Variants in LRP1B observed in about 807,000 individuals in gnomAD.
LRP1B encodes the protein LDL receptor related protein 1B, also known as low-density lipoprotein receptor-related protein 1B.
Under a neutral mutation model 556.6 loss-of-function variants are expected in LRP1B, and 217 were observed. The ratio of observed to expected loss-of-function variants is 0.39; its 90% CI spans 0.35 to 0.44. The LOEUF (loss-of-function observed/expected upper bound fraction) is 0.44, where lower values mean the gene tolerates loss of function less well. Ranked by LOEUF, LRP1B falls within the 20% of genes least tolerant of loss-of-function variation. The probability of loss-of-function intolerance (pLI) is 1.00; values close to 1 mark genes in which losing one functional copy is unlikely to be tolerated. For synonymous variants in LRP1B, 2,047 were observed against 1,865.8 expected (o/e 1.10, Z -2.50); for missense variants, 5,053 against 5,620.8 (o/e 0.90, Z 3.23).
intron 3 of LRP1B, among the ~76,000 whole-genome samples, chr2:141,333,765 A>T (rs1346997820): frequency 6.6e-6 from 1 of 152,196 alleles, no homozygotes; most frequent in African/African-American, 2.4e-5. Context: ...TTATTTTATC[A>T]ACTGCTTTCC....
chr2:140,779,340 C>T (rs535965380), intron 32 of LRP1B, among the ~76,000 whole-genome samples: 1 of 152,218 alleles, frequency 6.6e-6, no homozygotes, highest in South Asian at 2.1e-4. Context: ...TGAAGCAATG[C>T]CTAGGAAATT....
Position 140,494,323 on chromosome 2 carries a change from C to T in LRP1B, c.9034+1242G>A, listed in dbSNP as rs1688823765. On this transcript the variant is annotated intron_variant, in intron 56 of 90. Coordinates refer to ENST00000389484, the MANE Select transcript of LRP1B (RefSeq NM_018557.3). ...GTATGATTTAATCTCTTCTTTTTGT[C>T]CCAGGTCACTAAATGCATTATGTAG... is the stretch of plus-strand genomic sequence containing the variant. 2.0e-5 allele frequency among the ~76,000 whole-genome samples: 3 copies of T among 152,026 alleles called. No individual in the cohort carries two copies. In the South Asian group the frequency reaches 6.2e-4, roughly 32 times the overall value.
intron 3 of LRP1B, among the ~76,000 whole-genome samples, chr2:141,301,071 G>C (rs1686374831): frequency 6.6e-6 from 1 of 152,048 alleles, no homozygotes; most frequent in Non-Finnish European, 1.5e-5. Flanking sequence ...GGGAAACATT[G>C]GTAGAAGCAG....
chr2:140,726,171 C>T (rs1484402023), intron 35 of LRP1B, among the ~76,000 whole-genome samples: 1 of 152,134 alleles, frequency 6.6e-6, no homozygotes, highest in Non-Finnish European at 1.5e-5. Flanking sequence ...CCCTCTTCCC[C>T]TTACAATCCC....
intron 2 of LRP1B, among the ~76,000 whole-genome samples, chr2:141,683,052 C>A: frequency 6.6e-6 from 1 of 152,164 alleles, no homozygotes; most frequent in East Asian, 1.9e-4. Flanking sequence ...CTGAAAAGGA[C>A]GAGGTGAAAT....
chr2:140,667,341 TGAACCATTTAAGTTTC>T (rs1685314728), intron 41 of LRP1B, among the ~76,000 whole-genome samples: 1 of 152,212 alleles, frequency 6.6e-6, no homozygotes, highest in Non-Finnish European at 1.5e-5. Context: ...GCAATAGAGT[TGAACCATTTAAGTTTC>T]ATTTACCCTG....
intron 41 of LRP1B, among the ~76,000 whole-genome samples, chr2:140,614,471 G>T (rs955285475): frequency 6.6e-6 from 1 of 152,068 alleles, no homozygotes; most frequent in Non-Finnish European, 1.5e-5. Context: ...AGGAAGAGTT[G>T]AAGATATTTC....
intron 3 of LRP1B, among the ~76,000 whole-genome samples, chr2:141,429,812 G>A (rs1453637653): frequency 6.6e-6 from 1 of 152,138 alleles, no homozygotes; most frequent in African/African-American, 2.4e-5. Context: ...CCCTGCAAAG[G>A]ACATGATTGG....
At chr2:141,478,441 T>C (rs1682792987) in intron 3 of LRP1B, among the ~76,000 whole-genome samples, 1 of 152,090 alleles carries the variant, frequency 6.6e-6, no homozygotes, top group Non-Finnish European at 1.5e-5. Context: ...ATCTAGAAAA[T>C]ATAATATCCA....
intron 41 of LRP1B, among the ~76,000 whole-genome samples, chr2:140,664,315 C>T (rs1685195283): frequency 6.6e-6 from 1 of 152,126 alleles, no homozygotes; most frequent in South Asian, 2.1e-4. Context: ...AAAAGCACAA[C>T]ATCTGCACAG....
At chr2:141,469,660 T>A (rs1185959228) in intron 3 of LRP1B, among the ~76,000 whole-genome samples, 7 of 152,290 alleles carry the variant, frequency 4.6e-5, no homozygotes, top group Non-Finnish European at 8.8e-5. Context: ...AATTCAGAAA[T>A]GAAAACACTG....
intron 3 of LRP1B, among the ~76,000 whole-genome samples, chr2:141,472,285 C>A (rs1233375391): frequency 6.6e-6 from 1 of 152,160 alleles, no homozygotes; most frequent in Non-Finnish European, 1.5e-5. Flanking sequence ...GTGGCTCATG[C>A]CTGTAATCCT....
At chr2:140,441,985 GA>G (rs1686448219) in intron 66 of LRP1B, among the ~76,000 whole-genome samples, 1 of 152,118 alleles carries the variant, frequency 6.6e-6, no homozygotes, top group Non-Finnish European at 1.5e-5. Context: ...TATTTTAAGT[GA>G]AAATATTAAT....
intron 2 of LRP1B, among the ~76,000 whole-genome samples, chr2:141,662,177 G>A (rs1690244626): frequency 6.6e-6 from 1 of 152,122 alleles, no homozygotes; most frequent in South Asian, 2.1e-4. Flanking sequence ...AACTCCTGAA[G>A]GAAGCACTAA....
Position 140,485,466 on chromosome 2 carries a change from A to G in LRP1B, c.9302T>C (p.Leu3101Pro), listed in dbSNP as rs1298073288. 3 of 1,613,780 alleles carry G rather than the reference A, an allele frequency of 1.9e-6. No homozygotes were observed. Among genetic ancestry groups the G allele is most frequent in the Non-Finnish European group, 2.5e-6 (3 of 1,179,884 alleles). Residue 3101 changes from leucine to proline, a missense_variant, in exon 59 of 91, where the codon CTC becomes CCC. Leu to Pro is a moderately conservative substitution (Grantham distance 98). Coordinates refer to ENST00000389484, the MANE Select transcript of LRP1B (RefSeq NM_018557.3). The part of the protein sequence containing the change: ...ALAVDWIGKN[L>P]YWSDTEKRII... Reference sequence around the variant, plus strand: ...TCTTTTTTCTGTGTCAGACCAATAGAGGTTTTTTCCAATCCAATCGACAGC... The same window carrying G: ...TCTTTTTTCTGTGTCAGACCAATAGGGGTTTTTTCCAATCCAATCGACAGC...
At chr2:140,589,608 A>C (rs1003376061) in intron 43 of LRP1B, among the ~76,000 whole-genome samples, 1 of 152,216 alleles carries the variant, frequency 6.6e-6, no homozygotes, top group African/African-American at 2.4e-5. Flanking sequence ...ACTACTCAGC[A>C]GGAAAGAGAA....
At chr2:141,846,262 T>C (rs1345285950) in intron 1 of LRP1B, among the ~76,000 whole-genome samples, 2 of 151,732 alleles carry the variant, frequency 1.3e-5, no homozygotes, top group African/African-American at 4.8e-5. Context: ...CAAGTAGGCA[T>C]TATTACATTT....
At chr2:140,924,592 C>G (rs17578651) in intron 20 of LRP1B, among the ~76,000 whole-genome samples, 3,173 of 152,096 alleles carry the variant, frequency 0.021, 41 homozygotes, top group Non-Finnish European at 0.031. Context: ...TTCCATTGGT[C>G]AAAAACATGA....
At chr2:141,670,280 C>T (rs536698504) in intron 2 of LRP1B, among the ~76,000 whole-genome samples, 11 of 152,158 alleles carry the variant, frequency 7.2e-5, no homozygotes, top group African/African-American at 2.2e-4. Context: ...TCCCTGGAAC[C>T]AAGTAGGTGC....
Sources: allele counts gnomAD v4.1 joint callset (sites outside exome capture counted in the v4.1 genomes callset), GRCh38; gene constraint gnomAD v4.1.1; transcripts MANE v1.5; gene names NCBI Gene and HGNC (gene_info 2026-07-23, HGNC 2026-07-21).